Variants in COBL observed in about 807,000 individuals in gnomAD.
COBL encodes the protein protein cordon-bleu.
Under a neutral mutation model 98.8 loss-of-function variants are expected in COBL, and 51 were observed. The observed-to-expected ratio is 0.52, with a 90% CI of 0.41 to 0.65. COBL has a LOEUF of 0.65. COBL is among the 30% of genes least tolerant of loss of function. COBL has a pLI of 0.00. For missense variants in COBL, 1,617 were observed against 1,617.5 expected, an observed-to-expected ratio of 1.00 and a Z score of 0.01; for synonymous variants, 634 against 651.7, an observed-to-expected ratio of 0.97 and a Z score of 0.41.
chr7:51,074,191 A>ATTTTTTTTTTTTTTTTTTTTTTTTTTT (rs369421469), intron 7 of COBL, among the ~76,000 whole-genome samples: 3 of 100,496 alleles, frequency 3.0e-5, no homozygotes, highest in Non-Finnish European at 3.7e-5. Context: ...CAAGGTAATG[A>ATTTTTTTTTTTTTTTTTTTTTTTTTTT]TTTTTTTTTT....
chr7:51,271,465 G>C (rs1284643381), intron 1 of COBL, among the ~76,000 whole-genome samples: 2 of 152,328 alleles, frequency 1.3e-5, no homozygotes, highest in East Asian at 3.9e-4. Context: ...ACTTACGTCA[G>C]TCACGGTTAA....
chr7:51,178,575 G>A (rs1005845789), intron 5 of COBL, among the ~76,000 whole-genome samples: 1 of 152,108 alleles, frequency 6.6e-6, no homozygotes, highest in Non-Finnish European at 1.5e-5. Context: ...AAAGAAGAGA[G>A]AGGAAGACAC....
rs118053861 is a variant in COBL, at chr7:51,081,436, G to A, written c.1096+3730C>T. 5.0e-3 allele frequency among the ~76,000 whole-genome samples: 768 copies of A among 152,320 alleles called. 4 individuals carry two copies. Among genetic ancestry groups the A allele is most frequent in the Non-Finnish European group, 6.3e-3 (429 of 68,028 alleles). Reference sequence around the variant, plus strand: ...CTCTCCGCCACTTCGCTCTCCTTCCGGCTCAGACCTGTCCAAAGGTCTAAG... The same window carrying A: ...CTCTCCGCCACTTCGCTCTCCTTCCAGCTCAGACCTGTCCAAAGGTCTAAG... On this transcript the variant is annotated intron_variant, in intron 7 of 12. Coordinates refer to ENST00000265136, the MANE Select transcript of COBL (RefSeq NM_015198.5).
intron 5 of COBL, among the ~76,000 whole-genome samples, chr7:51,147,872 T>G (rs1300725046): frequency 6.6e-6 from 1 of 151,704 alleles, no homozygotes; most frequent in Non-Finnish European, 1.5e-5. Flanking sequence ...TGCCTCAGCC[T>G]CCCAAGTAGC....
chr7:51,202,433 A>C (rs894232385), intron 2 of COBL, among the ~76,000 whole-genome samples: 7 of 152,122 alleles, frequency 4.6e-5, no homozygotes, highest in Non-Finnish European at 7.4e-5. Flanking sequence ...TACTATATCC[A>C]ATTTATAATT....
At chr7:51,167,032 A>T (rs1787390307) in intron 5 of COBL, among the ~76,000 whole-genome samples, 1 of 152,168 alleles carries the variant, frequency 6.6e-6, no homozygotes, top group African/African-American at 2.4e-5. Context: ...CCTTTCCCCT[A>T]AGATCTGGAA....
At chr7:51,246,634 A>T (rs1796290771) in intron 1 of COBL, among the ~76,000 whole-genome samples, 1 of 152,160 alleles carries the variant, frequency 6.6e-6, no homozygotes, top group South Asian at 2.1e-4. Context: ...CTTCTATCTC[A>T]TTCAAATAAA....
chr7:51,160,642 G>T (rs1336363409), intron 5 of COBL, among the ~76,000 whole-genome samples: 1 of 152,042 alleles, frequency 6.6e-6, no homozygotes, highest in African/African-American at 2.4e-5. Flanking sequence ...ATGAGCTCAC[G>T]GTACACACGG....
In COBL at chr7:51,028,444, A is replaced by C; in HGVS notation, c.2652T>G (p.Asp884Glu). ...KRIGAPKVHA[D>E]VVRPHGYAEK... is the part of the protein sequence containing the mutation. ...CGGCATAACCGTGTGGCCTCACCAC[A>C]TCAGCATGGACTTTTGGGGCTCCTA... The change falls in exon 10 of 13, where the codon GAT (aspartate) becomes GAG (glutamate). Residue 884 changes from aspartate (D) to glutamate (E), a missense_variant. Coordinates refer to ENST00000265136, the MANE Select transcript of COBL (RefSeq NM_015198.5). 6.2e-7 allele frequency: 1 copy of C among 1,614,272 alleles called. No individual in the cohort carries two copies. The highest frequency in any genetic ancestry group is 8.5e-7 in the Non-Finnish European group (1 of 1,180,050).
chr7:51,114,761 C>T (rs761117410), intron 6 of COBL, among the ~76,000 whole-genome samples: 20 of 152,150 alleles, frequency 1.3e-4, no homozygotes, highest in Admixed American at 2.6e-4. Context: ...AACTAACTAC[C>T]CTGTTACGTC....
At chr7:51,086,605 A>C (rs1224245916) in intron 6 of COBL, among the ~76,000 whole-genome samples, 1 of 148,082 alleles carries the variant, frequency 6.8e-6, no homozygotes, top group East Asian at 2.0e-4. Flanking sequence ...TGGGAGAGAG[A>C]AAGGGGGAGA....
At chr7:51,256,962 A>C (rs946343593) in intron 1 of COBL, among the ~76,000 whole-genome samples, 3 of 152,220 alleles carry the variant, frequency 2.0e-5, no homozygotes, top group African/African-American at 7.2e-5. Flanking sequence ...ATTATATAAA[A>C]TATACACGAG....
At chr7:51,159,978 C>A (rs1054314172) in intron 5 of COBL, among the ~76,000 whole-genome samples, 1 of 152,088 alleles carries the variant, frequency 6.6e-6, no homozygotes, top group Non-Finnish European at 1.5e-5. Context: ...CTACAACCTC[C>A]GCCTCCCGAG....
chr7:51,290,726 G>C (rs1057413629), intron 1 of COBL, among the ~76,000 whole-genome samples: 7 of 151,944 alleles, frequency 4.6e-5, no homozygotes, highest in Admixed American at 3.9e-4. Context: ...TAATAACCCT[G>C]AATACTAATA....
intron 5 of COBL, among the ~76,000 whole-genome samples, chr7:51,169,534 T>A (rs757285449): frequency 2.6e-5 from 4 of 152,190 alleles, no homozygotes; most frequent in Admixed American, 6.5e-5. Context: ...AAGAATGAGA[T>A]CTTGTCATTT....
chr7:51,083,225 C>T (rs2128937448), intron 7 of COBL: 1 of 1,458,340 alleles, frequency 6.9e-7, no homozygotes, highest in East Asian at 2.5e-5. Flanking sequence ...CTGCCGTCCA[C>T]CACCTATATG....
intron 1 of COBL, among the ~76,000 whole-genome samples, chr7:51,307,262 T>C (rs1031446183): frequency 1.3e-5 from 2 of 152,146 alleles, no homozygotes; most frequent in South Asian, 2.1e-4. Context: ...GGCAGGAGAA[T>C]TGCTTGAACC....
At chr7:51,086,649 T>A (rs985708828) in intron 6 of COBL, among the ~76,000 whole-genome samples, 9 of 149,580 alleles carry the variant, frequency 6.0e-5, no homozygotes, top group African/African-American at 7.4e-5. Flanking sequence ...AGAGAGAGAG[T>A]GTGTGTGTGT....
intron 1 of COBL, among the ~76,000 whole-genome samples, chr7:51,270,434 T>G (rs1798651643): frequency 6.6e-6 from 1 of 152,240 alleles, no homozygotes; most frequent in South Asian, 2.1e-4. Context: ...CCAGGCACTG[T>G]TCTCAGGAGC....
Sources: gnomAD v4.1 joint callset for allele counts (sites outside exome capture counted in the v4.1 genomes callset) on GRCh38, gnomAD v4.1.1 for gene constraint, MANE v1.5 for transcripts, NCBI Gene and HGNC (gene_info 2026-07-23, HGNC 2026-07-21) for gene names.